Variants in SH2B1 observed in about 807,000 individuals in gnomAD.
SH2B1 encodes the protein SH2B adapter protein 1.
A neutral mutation model predicts 62.6 loss-of-function variants in SH2B1; 15 were observed. The observed-to-expected ratio is 0.24, with a 90% CI of 0.16 to 0.37. The LOEUF (loss-of-function observed/expected upper bound fraction) is 0.37, where lower values mean the gene tolerates loss of function less well. Among genes scored for constraint, SH2B1 ranks in the 10% least tolerant of loss-of-function variants. The probability of loss-of-function intolerance (pLI) is 1.00; values close to 1 mark genes in which losing one functional copy is unlikely to be tolerated. For synonymous variants in SH2B1, 443 were observed against 438.0 expected, an observed-to-expected ratio of 1.01 and a Z score of -0.14; for missense variants, 925 against 1,015.6, an observed-to-expected ratio of 0.91 and a Z score of 1.21.
chr16:28,868,460 T>C (rs1283046439), intron 2 of SH2B1, among the ~76,000 whole-genome samples: 1 of 151,840 alleles, frequency 6.6e-6, no homozygotes, highest in African/African-American at 2.4e-5. Context: ...TATTTTATTT[T>C]TATTTTTTAT....
upstream of SH2B1, among the ~76,000 whole-genome samples, chr16:28,859,373 T>G (rs1962388165): frequency 6.6e-6 from 1 of 152,114 alleles, no homozygotes; most frequent in Non-Finnish European, 1.5e-5. Context: ...ACAGATAAAT[T>G]CCTTATTAAA....
In SH2B1 at chr16:28,852,396, A is replaced by ATATATT. The variant is rs1567458458; in HGVS notation, c.-301+5574_-301+5575insTTATAT. 5.3e-4 allele frequency among the ~76,000 whole-genome samples: 14 copies of ATATATT among 26,294 alleles called. 4 individuals carry two copies. The East Asian group carries it at 0.028, about 52-fold the overall frequency. 17.2% of individuals were successfully genotyped at this position (26,294 alleles called of 152,430 possible). On this transcript the variant is annotated intron_variant, in intron 1 of 10. Coordinates refer to the SH2B1 transcript ENST00000322610. ...TATTTACATATATTTATATATATACATATATATTTACATATATATTTATAT... is the reference window on the plus strand; with the variant it reads ...TATTTACATATATTTATATATATACATATATTTATATATTTACATATATATTTATAT...
intron 4 of SH2B1, among the ~76,000 whole-genome samples, chr16:28,870,224 G>T (rs1429665329): frequency 1.3e-5 from 2 of 152,254 alleles, no homozygotes; most frequent in Admixed American, 6.5e-5. Context: ...TGTGTCCCGG[G>T]CCAGGATGGG....
In SH2B1 at chr16:28,868,987, C is replaced by T. The variant is rs368356339; in HGVS notation, c.1042-19C>T. On this transcript the variant is annotated intron_variant, in intron 2 of 7. Coordinates refer to ENST00000684370, the MANE Select transcript of SH2B1 (RefSeq NM_001387430.1). ...CTCCCTGCCCCTGCCCCAGCTGAGGCGTCGTCTCATCTCTGTAGGTGGAAG... is the reference window on the plus strand; with the variant it reads ...CTCCCTGCCCCTGCCCCAGCTGAGGTGTCGTCTCATCTCTGTAGGTGGAAG... 3.1e-5 allele frequency: 49 copies of T among 1,598,858 alleles called. No individual in the cohort carries two copies. Among genetic ancestry groups the T allele is most frequent in the Non-Finnish European group, 4.0e-5 (47 of 1,166,228 alleles).
chr16:28,858,812 C>T (rs572348064), intron 1 of SH2B1, among the ~76,000 whole-genome samples: 4 of 151,752 alleles, frequency 2.6e-5, no homozygotes, highest in Middle Eastern at 3.4e-3. Context: ...TGGTGGCGCA[C>T]GCCTGTAATC....
At chr16:28,868,768 A>G (rs1044961571) in intron 2 of SH2B1, among the ~76,000 whole-genome samples, 1 of 151,050 alleles carries the variant, frequency 6.6e-6, no homozygotes, top group Non-Finnish European at 1.5e-5. Flanking sequence ...GCCTTATTTT[A>G]TTTTTCAATT....
At chr16:28,870,754 G>C (rs1962981673) in intron 4 of SH2B1, among the ~76,000 whole-genome samples, 1 of 152,076 alleles carries the variant, frequency 6.6e-6, no homozygotes, top group Non-Finnish European at 1.5e-5. Context: ...TGCAGTCACA[G>C]CTTCCTGCAG....
rs993133631 is a variant in SH2B1, at chr16:28,864,257, C to T, written c.-1838C>T. On this transcript the variant is annotated 5_prime_UTR_variant, in exon 1 of 8. Transcript: ENST00000684370. ...CCTTCGGGAAATATCAGAACTGAGC[C>T]AGGAGGCAGGTGCACCGGGAAAATG... The T allele has an allele frequency of 3.0e-6, 3 of 1,006,004 alleles. No individual in the cohort carries two copies. Among genetic ancestry groups the T allele is most frequent in the Non-Finnish European group, 3.6e-6 (3 of 842,532 alleles). The allele number at this position is 1,006,004 out of a possible 1,614,324, so 62.3% of individuals were successfully genotyped here. A position where few individuals can be genotyped will look rare whatever the true frequency, so the allele number is the denominator to read the frequency against.
intron 1 of SH2B1, among the ~76,000 whole-genome samples, chr16:28,851,503 A>G (rs1247474150): frequency 2.8e-5 from 4 of 144,806 alleles, no homozygotes; most frequent in Non-Finnish European, 6.0e-5. Flanking sequence ...TCTGTCACCC[A>G]GGCTGGAGTG....
intron 1 of SH2B1, among the ~76,000 whole-genome samples, chr16:28,858,437 C>G (rs183816994): frequency 6.6e-6 from 1 of 152,032 alleles, no homozygotes; most frequent in Non-Finnish European, 1.5e-5. Context: ...GGCGTGAACC[C>G]GGGAGGAGGT....
At chr16:28,849,836 T>C (rs1321147003) in intron 1 of SH2B1, among the ~76,000 whole-genome samples, 2 of 152,092 alleles carry the variant, frequency 1.3e-5, no homozygotes, top group Admixed American at 6.6e-5. Flanking sequence ...AGCAGGAGAA[T>C]CGCTTGAACC....
intron 1 of SH2B1, among the ~76,000 whole-genome samples, chr16:28,853,509 C>G (rs942139986): frequency 6.9e-6 from 1 of 144,826 alleles, no homozygotes; most frequent in Non-Finnish European, 1.5e-5. Flanking sequence ...AGCGCCCACC[C>G]ACCCCACTTT....
intron 1 of SH2B1, among the ~76,000 whole-genome samples, chr16:28,853,548 G>T (rs546096799): frequency 4.1e-5 from 6 of 148,112 alleles, no homozygotes; most frequent in Non-Finnish European, 7.5e-5. Context: ...TAGAGACGGG[G>T]TCTCCCTATG....
chr16:28,853,098 ATATT>A (rs1412793918), intron 1 of SH2B1, among the ~76,000 whole-genome samples: 8 of 123,114 alleles, frequency 6.5e-5, no homozygotes, highest in Admixed American at 2.9e-4. Flanking sequence ...TTATACATAT[ATATT>A]TATATATACA....
rs1467832614 is a variant in SH2B1 at position 28,865,067 on chromosome 16, G to A, written c.-1028G>A. ...GAGCCCTGGTCTGACTCAAGTCCAT[G>A]GCCTTAACCAGAAGGCTAACCTGCC... On this transcript the variant is annotated 5_prime_UTR_variant, in exon 1 of 8. The change abolishes an upstream ATG in the 5' untranslated region. Coordinates refer to ENST00000684370, the MANE Select transcript of SH2B1 (RefSeq NM_001387430.1). The A allele has an allele frequency of 1.0e-6, 1 of 985,228 alleles. No homozygotes were observed. The highest frequency in any genetic ancestry group is 1.2e-6 in the Non-Finnish European group (1 of 829,792). 61.0% of individuals were successfully genotyped at this position (985,228 alleles called of 1,614,324 possible).
intron 1 of SH2B1, among the ~76,000 whole-genome samples, chr16:28,848,438 C>G (rs937850079): frequency 2.8e-5 from 4 of 145,174 alleles, no homozygotes; most frequent in African/African-American, 1.0e-4. Flanking sequence ...ACTCCGTCTC[C>G]AAAAAAAAAA....
rs752613223 is a variant in SH2B1, at chr16:28,872,689, C to T, written c.1881C>T (p.Ser627=). 1 of 1,614,198 alleles carries T rather than the reference C, an allele frequency of 6.2e-7. No homozygotes were observed. The highest frequency in any genetic ancestry group is 1.1e-5 in the South Asian group (1 of 91,084). Residue 627 remains serine (S), a synonymous_variant, in exon 7 of 8, where the codon TCC becomes TCT. Transcript: ENST00000684370. The surrounding 1 kb of genome is among the most constrained non-coding windows in gnomAD (Gnocchi z 5.3). ...TTGTCCTTGTCAGCTATGTCCCATC[C>T]TCCCAGCGACAGCAGGGTGAGCAGA... is the stretch of plus-strand genomic sequence containing the variant. The part of the protein sequence containing the change: ...SDVVLVSYVP[S]SQRQQEPTTS...
Position 28,872,449 on chromosome 16 carries a change from G to C in SH2B1, c.1725+48G>C. ...CTCTGTTCTGTGCATAGTTGGCAGT[G>C]GGGTGGGGGAGCACTGCCGGGGGAG... On this transcript the variant is annotated intron_variant, in intron 6 of 7. Coordinates refer to ENST00000684370, the MANE Select transcript of SH2B1 (RefSeq NM_001387430.1). The surrounding 1 kb of genome is among the most constrained non-coding windows in gnomAD (Gnocchi z 5.3). 1 of 1,574,262 alleles carries C rather than the reference G, an allele frequency of 6.4e-7. No homozygotes were observed. The highest frequency in any genetic ancestry group is 8.6e-7 in the Non-Finnish European group (1 of 1,156,696).
At chr16:28,863,543 T>A (rs1962523008), upstream of SH2B1, 1 of 819,660 alleles carries the variant, frequency 1.2e-6, no homozygotes. Context: ...AGCCGGGCCC[T>A]GGGACTCTAT....
Sources: gnomAD v4.1 joint callset for allele counts (sites outside exome capture counted in the v4.1 genomes callset) on GRCh38, gnomAD v4.1.1 for gene constraint, Gnocchi (gnomAD v3.1) non-coding constraint, MANE v1.5 for transcripts, NCBI Gene and HGNC (gene_info 2026-07-23, HGNC 2026-07-21) for gene names.